AGPS: variants seen among roughly 807,000 people sequenced by gnomAD.
AGPS encodes alkylglycerone phosphate synthase, also known as alkyldihydroxyacetonephosphate synthase, peroxisomal.
In AGPS, 26 loss-of-function variants were observed where a neutral mutation model predicts 90.7. The observed-to-expected ratio is 0.29, with a 90% CI of 0.21 to 0.40. AGPS has a LOEUF of 0.40. Among genes scored for constraint, AGPS ranks in the 10% least tolerant of loss-of-function variants. The pLI, the probability that AGPS is intolerant of heterozygous loss-of-function variation, is 1.00. For synonymous variants in AGPS, 294 were observed against 285.3 expected (o/e 1.03, Z -0.31); for missense variants, 540 against 816.1 (o/e 0.66, Z 4.12).
intron 10 of AGPS, among the ~76,000 whole-genome samples, chr2:177,469,499 A>T (rs1270727100): frequency 1.3e-5 from 2 of 152,164 alleles, no homozygotes; most frequent in African/African-American, 4.8e-5. Context: ...CATGGTAACC[A>T]ATGACAGACC....
rs189928736 is a variant in AGPS at position 177,529,625 on chromosome 2, T to G, written c.1855+5820T>G. Among the ~76,000 whole-genome samples the G allele has an allele frequency of 5.2e-3, 795 of 152,198 alleles. 8 individuals are homozygous for G. Among genetic ancestry groups the G allele is most frequent in the African/African-American group, 0.018 (747 of 41,486 alleles). ...TTTCTGGGAAAGCATATTAGCAGAG[T>G]GAGTTAGTTATTCACTGGAGAAGTA... On this transcript the variant is annotated intron_variant, in intron 19 of 19. Coordinates refer to ENST00000264167, the MANE Select transcript of AGPS (RefSeq NM_003659.4).
chr2:177,501,949 AT>A (rs1221980184), intron 14 of AGPS, among the ~76,000 whole-genome samples: 2 of 152,150 alleles, frequency 1.3e-5, no homozygotes, highest in Non-Finnish European at 1.5e-5. Context: ...TACAGGCATT[AT>A]TTTGTCAGTT....
Position 177,482,084 on chromosome 2 carries a change from T to G in AGPS, c.1131T>G (p.Ala377=). 6.2e-7 allele frequency: 1 copy of G among 1,604,270 alleles called. No homozygotes were observed. The highest frequency in any genetic ancestry group is 8.5e-7 in the Non-Finnish European group (1 of 1,173,532). Residue 377 remains alanine, a synonymous_variant, in exon 11 of 20, where the codon GCT becomes GCG. Coordinates refer to ENST00000264167, the MANE Select transcript of AGPS (RefSeq NM_003659.4). The part of the protein sequence containing the change: ...SEGTLGVITE[A]TIKIRPVPEY... ...GAACTCTTGGTGTAATAACAGAAGC[T>G]ACAATAAAAATCAGACCAGTCCCTG... is the stretch of plus-strand genomic sequence containing the variant.
intron 2 of AGPS, among the ~76,000 whole-genome samples, chr2:177,431,251 G>A (rs1481089791): frequency 6.6e-6 from 1 of 152,074 alleles, no homozygotes; most frequent in Admixed American, 6.6e-5. Context: ...AAAGGGGAGG[G>A]GGTGTACAAA....
At chr2:177,410,816 A>G (rs968445369) in intron 1 of AGPS, among the ~76,000 whole-genome samples, 2 of 152,204 alleles carry the variant, frequency 1.3e-5, no homozygotes, top group African/African-American at 4.8e-5. Flanking sequence ...AGGCACCCTC[A>G]GTCCTGCTGC....
chr2:177,497,852 G>T, intron 13 of AGPS, 87 bp downstream of exon 13: 1 of 575,500 alleles, frequency 1.7e-6, no homozygotes, highest in Admixed American at 3.3e-5. Context: ...TTGTAAGGGT[G>T]TTTTTCCATG....
chr2:177,462,392 CA>C (rs67734682), intron 9 of AGPS, among the ~76,000 whole-genome samples: 12 of 108,202 alleles, frequency 1.1e-4, no homozygotes, highest in Non-Finnish European at 1.4e-4. Flanking sequence ...GATTCTGTCT[CA>C]AAAAAAAAAA....
intron 3 of AGPS, among the ~76,000 whole-genome samples, chr2:177,435,001 A>ATATATG (rs1686358701): frequency 6.9e-6 from 1 of 143,982 alleles, no homozygotes; most frequent in South Asian, 2.1e-4. Context: ...CTGTAGGTAT[A>ATATATG]TATATATATA....
intron 1 of AGPS, among the ~76,000 whole-genome samples, chr2:177,403,281 A>C (rs866935122): frequency 2.0e-5 from 3 of 152,322 alleles, no homozygotes; most frequent in African/African-American, 4.8e-5. Flanking sequence ...ATTTTATATC[A>C]AAGAAACCTA....
chr2:177,492,384 T>C (rs1688289490), intron 11 of AGPS, among the ~76,000 whole-genome samples: 1 of 152,208 alleles, frequency 6.6e-6, no homozygotes, highest in Non-Finnish European at 1.5e-5. Flanking sequence ...TGTGCCCACT[T>C]TATGAAAAAC....
intron 17 of AGPS, among the ~76,000 whole-genome samples, chr2:177,519,617 G>T (rs1689122644): frequency 6.6e-6 from 1 of 152,190 alleles, no homozygotes; most frequent in Non-Finnish European, 1.5e-5. Flanking sequence ...GAACTGAACA[G>T]TGTCTTTGTT....
At chr2:177,453,385 C>T (rs1687010587) in intron 8 of AGPS, among the ~76,000 whole-genome samples, 1 of 151,876 alleles carries the variant, frequency 6.6e-6, no homozygotes, top group Admixed American at 6.6e-5. Flanking sequence ...GATTCTCCTG[C>T]CTCAGCCTCC....
At chr2:177,466,052 C>T (rs1029153198) in intron 9 of AGPS, among the ~76,000 whole-genome samples, 8 of 152,214 alleles carry the variant, frequency 5.3e-5, no homozygotes, top group Non-Finnish European at 1.0e-4. Flanking sequence ...TGGGTAGCTC[C>T]TTTCCGCAGG....
chr2:177,401,718 T>C (rs886664448), intron 1 of AGPS, among the ~76,000 whole-genome samples: 34 of 152,142 alleles, frequency 2.2e-4, no homozygotes, highest in Non-Finnish European at 4.4e-4. Flanking sequence ...CTAATTTTTG[T>C]ATTTTTAGTA....
intron 1 of AGPS, among the ~76,000 whole-genome samples, chr2:177,398,965 A>C (rs1426546127): frequency 6.6e-6 from 1 of 152,222 alleles, no homozygotes; most frequent in Non-Finnish European, 1.5e-5. Context: ...CTGTGAATGA[A>C]CAGGAAACTG....
chr2:177,492,921 G>A (rs1479677448), intron 11 of AGPS, among the ~76,000 whole-genome samples: 1 of 124,454 alleles, frequency 8.0e-6, no homozygotes. Context: ...ACTTATGTTT[G>A]TATTTATTTA....
chr2:177,421,754 G>A (rs2105610802), intron 2 of AGPS, among the ~76,000 whole-genome samples: 1 of 152,148 alleles, frequency 6.6e-6, no homozygotes, highest in East Asian at 1.9e-4. Context: ...TAGAAACATC[G>A]ATGTAGAGAT....
intron 8 of AGPS, among the ~76,000 whole-genome samples, chr2:177,453,422 C>T (rs1687011507): frequency 6.6e-6 from 1 of 151,836 alleles, no homozygotes; most frequent in Non-Finnish European, 1.5e-5. Context: ...CAGGCATGCC[C>T]CACCACGCCC....
intron 9 of AGPS, among the ~76,000 whole-genome samples, chr2:177,463,850 TG>T (rs1357810930): frequency 6.6e-6 from 1 of 152,226 alleles, no homozygotes; most frequent in Non-Finnish European, 1.5e-5. Context: ...AATCATTTTT[TG>T]GAGATATTTA....
Sources: allele counts gnomAD v4.1 joint callset (sites outside exome capture counted in the v4.1 genomes callset), GRCh38; gene constraint gnomAD v4.1.1; transcripts MANE v1.5; gene names NCBI Gene and HGNC (gene_info 2026-07-23, HGNC 2026-07-21).